The following ZNF888 variants were observed in gnomAD, a reference collection of about 807,000 sequenced individuals.
ZNF888 encodes the protein CTD-2331H12.6.
ZNF888 carries 5 observed loss-of-function variants against 7.2 expected under a neutral mutation model. The observed-to-expected ratio is 0.70, with a 90% CI of 0.36 to 1.46. ZNF888 has a LOEUF of 1.46. Ranked by LOEUF, ZNF888 falls within the 40% of genes most tolerant of loss-of-function variation. The pLI, the probability that ZNF888 is intolerant of heterozygous loss-of-function variation, is 0.03. For synonymous variants in ZNF888, 240 were observed against 284.3 expected (o/e 0.84, Z 1.57); for missense variants, 716 against 858.0 (o/e 0.83, Z 2.07).
At chr19:52,912,274 C>T (rs763219945) in intron 4 of ZNF888, among the ~76,000 whole-genome samples, 61 of 147,378 alleles carry the variant, frequency 4.1e-4, no homozygotes, top group African/African-American at 1.1e-3. Context: ...CCACCGCGCC[C>T]GGCTAATTTT....
In ZNF888 at chr19:52,906,509, G is replaced by A. The variant is rs1051801087; in HGVS notation, c.1813C>T (p.Pro605Ser). 2.2e-5 allele frequency: 35 copies of A among 1,613,578 alleles called. 1 individual carries two copies. In the East Asian group the frequency reaches 7.4e-4, roughly 34 times the overall value. Residue 605 changes from proline (P) to serine (S), a missense_variant, in exon 5 of 5, where the codon CCT becomes TCT. Transcript: ENST00000638862. The stretch of plus-strand genomic sequence containing the variant: ...TTGTCACATTCTTCACATTTGTAAG[G>A]TTTCTCTCCAGTATGAAGTCTATGA... ...CHHRLHTGEK[P>S]YKCEECDKVF...
chr19:52,913,499 A>C (rs2064710124), intron 4 of ZNF888, among the ~76,000 whole-genome samples: 1 of 151,930 alleles, frequency 6.6e-6, no homozygotes, highest in Non-Finnish European at 1.5e-5. Context: ...TAAGTTTTGT[A>C]ATTATACTAC....
chr19:52,919,220 C>T (rs1192960863), intron 1 of ZNF888, among the ~76,000 whole-genome samples: 1 of 39,090 alleles, frequency 2.6e-5, no homozygotes, highest in Non-Finnish European at 5.8e-5. Flanking sequence ...GATGCCGAGC[C>T]AAGGCTGGAC....
chr19:52,907,127 G>T lies in ZNF888; in HGVS notation c.1195C>A (p.Gln399Lys). ...KAFRHDSHLA[Q>K]HIVIHTREKP... The stretch of plus-strand genomic sequence containing the variant: ...TCTCTAGTGTGAATTACAATATGCT[G>T]TGCCAGGTGTGAATCATGTCTGAAA... Residue 399 changes from glutamine (Q) to lysine (K), a missense_variant, in exon 5 of 5, where the codon CAG becomes AAG. Coordinates refer to ENST00000638862, the MANE Select transcript of ZNF888 (RefSeq NM_001393938.1). The T allele has an allele frequency of 6.2e-7, 1 of 1,610,430 alleles. No individual in the cohort carries two copies. The highest frequency in any genetic ancestry group is 8.5e-7 in the Non-Finnish European group (1 of 1,179,232).
In ZNF888 at chr19:52,906,448, C is replaced by T. The variant is rs191518448; in HGVS notation, c.1874G>A (p.Arg625Lys). The T allele has an allele frequency of 4.2e-4, 683 of 1,612,830 alleles. 7 individuals carry two copies. The African/African-American group carries it at 8.3e-3, about 20-fold the overall frequency. ...TGGTTTCTCTCCAGTATGAACTCTCCTATGTATTTCAAGGTGTGATTTGAT... is the reference window on the plus strand; with the variant it reads ...TGGTTTCTCTCCAGTATGAACTCTCTTATGTATTTCAAGGTGTGATTTGAT... ...FNIKSHLEIHRRVHTGEKPYK... is the reference protein window; with the variant it reads ...FNIKSHLEIHKRVHTGEKPYK... The change falls in exon 5 of 5, where the codon AGG becomes AAG. Residue 625 changes from arginine (R) to lysine (K), a missense_variant. Coordinates refer to ENST00000638862, the MANE Select transcript of ZNF888 (RefSeq NM_001393938.1).
In ZNF888 at chr19:52,912,152, C is replaced by T. The variant is rs2064689269; in HGVS notation, c.142+3044G>A. 2.1e-5 allele frequency among the ~76,000 whole-genome samples: 3 copies of T among 144,216 alleles called. No homozygotes were observed. The South Asian group carries it at 6.5e-4, about 31-fold the overall frequency. 94.6% of individuals were successfully genotyped at this position (144,216 alleles called of 152,430 possible). A position where few individuals can be genotyped will look rare whatever the true frequency, so the allele number is the denominator to read the frequency against. Reference sequence around the variant, plus strand: ...TTTTTGAGACGGAATCTTGCTCTGTCACCCAGGCTGGAGTGTCGTGGCAAG... The same window carrying T: ...TTTTTGAGACGGAATCTTGCTCTGTTACCCAGGCTGGAGTGTCGTGGCAAG... On this transcript the variant is annotated intron_variant, in intron 4 of 4. Transcript: ENST00000638862.
In ZNF888 at chr19:52,907,094, A is replaced by C; in HGVS notation, c.1228T>G (p.Tyr410Asp). Residue 410 changes from tyrosine (Y) to aspartate (D), a missense_variant, in exon 5 of 5, where the codon TAC becomes GAC. Tyr to Asp is a radical substitution (Grantham distance 160). Around this residue, in one of 2 missense-constraint regions of ZNF888, gnomAD observed 697 missense variants for 803.4 expected, o/e 0.87. Coordinates refer to ENST00000638862, the MANE Select transcript of ZNF888 (RefSeq NM_001393938.1). Reference protein sequence around the residue: ...HIVIHTREKPYKCNECGKTFG... With the variant: ...HIVIHTREKPDKCNECGKTFG... ...GTTTTGCCACACTCATTACACTTGT[A>C]AGGTTTCTCTCTAGTGTGAATTACA... The C allele has an allele frequency of 6.2e-7, 1 of 1,611,760 alleles. No homozygotes were observed.
In ZNF888 at chr19:52,916,471, T is replaced by C. The variant is rs558042827; in HGVS notation, c.16-1149A>G. ...TTCAAAATATAAAAGATTTTCAAAA[T>C]ATATATGTGTGTGTACATATATATG... On this transcript the variant is annotated intron_variant, in intron 3 of 4. Coordinates refer to ENST00000638862, the MANE Select transcript of ZNF888 (RefSeq NM_001393938.1). Among the ~76,000 whole-genome samples the C allele has an allele frequency of 3.9e-5, 6 of 151,990 alleles. No homozygotes were observed. The South Asian group carries it at 1.2e-3, about 31-fold the overall frequency.
At chr19:52,910,204 G>A (rs2064661912) in intron 4 of ZNF888, among the ~76,000 whole-genome samples, 1 of 150,794 alleles carries the variant, frequency 6.6e-6, no homozygotes, top group African/African-American at 2.4e-5. Flanking sequence ...GGGCGCGGTG[G>A]TGCATGCCTG....
chr19:52,912,682 A>G (rs2064700838), intron 4 of ZNF888, among the ~76,000 whole-genome samples: 1 of 151,788 alleles, frequency 6.6e-6, no homozygotes, highest in Admixed American at 6.6e-5. Flanking sequence ...GTGGGCCGAG[A>G]TCACACCACT....
chr19:52,913,622 C>T, intron 4 of ZNF888: 1 of 744,870 alleles, frequency 1.3e-6, no homozygotes, highest in African/African-American at 1.9e-5. Context: ...CTGTACCCGG[C>T]CAGGTTACAG....
chr19:52,918,085 C>A, intron 2 of ZNF888, 154 bp from the exon 3 acceptor site: 1 of 1,423,954 alleles, frequency 7.0e-7, no homozygotes. Context: ...CAATAAACTC[C>A]TATAGGAAAA....
rs1407439121 is a variant in ZNF888 at position 52,904,504 on chromosome 19, T to C, written c.*1661A>G. 6.6e-6 allele frequency: 1 copy of C among 152,186 alleles called. No homozygotes were observed. Among genetic ancestry groups the C allele is most frequent in the African/African-American group, 2.4e-5 (1 of 41,428 alleles). The allele number at this position is 152,186 out of a possible 1,614,324, so 9.4% of individuals were successfully genotyped here. On this transcript the variant is annotated 3_prime_UTR_variant, in exon 5 of 5. Coordinates refer to ENST00000638862, the MANE Select transcript of ZNF888 (RefSeq NM_001393938.1). ...CCCCTAATGCACAATTTCTGTCCTT[T>C]TTAAGGGCTCACAACACTAAGGATT...
chr19:52,911,359 G>T (rs1441460865), intron 4 of ZNF888, among the ~76,000 whole-genome samples: 2 of 141,722 alleles, frequency 1.4e-5, no homozygotes, highest in African/African-American at 2.6e-5. Flanking sequence ...TTTTTTTTGA[G>T]ACGGAGTCTT....
At chr19:52,916,625 T>TATATATATATATATATATAC (rs1568747397) in intron 3 of ZNF888, among the ~76,000 whole-genome samples, 5 of 123,824 alleles carry the variant, frequency 4.0e-5, no homozygotes, top group African/African-American at 1.5e-4. Flanking sequence ...CATATATATA[T>TATATATATATATATATATAC]ATATATATAT....
chr19:52,907,812 A>G lies in ZNF888; in HGVS notation c.510T>C (p.Ala170=), dbSNP rs112375801. ...TTCTTTGGGATGTTGAAACTGAGGAAGCATTGTTGATAGACTTCTCAAGTT... is the reference window on the plus strand; with the variant it reads ...TTCTTTGGGATGTTGAAACTGAGGAGGCATTGTTGATAGACTTCTCAAGTT... ...GNQLEKSINN[A]SSVSTSQRIS... is the part of the protein sequence containing the mutation. The change falls in exon 5 of 5, where the codon GCT becomes GCC. Residue 170 remains alanine, a synonymous_variant. Coordinates refer to ENST00000638862, the MANE Select transcript of ZNF888 (RefSeq NM_001393938.1). The G allele has an allele frequency of 3.1e-6, 5 of 1,614,192 alleles. No individual in the cohort carries two copies. Among genetic ancestry groups the G allele is most frequent in the African/African-American group, 1.3e-5 (1 of 75,060 alleles).
At chr19:52,909,951 C>T (rs887722061) in intron 4 of ZNF888, among the ~76,000 whole-genome samples, 4 of 151,832 alleles carry the variant, frequency 2.6e-5, no homozygotes, top group Admixed American at 1.3e-4. Flanking sequence ...CACCCAAGGT[C>T]AGGAGTTCTA....
chr19:52,906,349 C>G lies in ZNF888; in HGVS notation c.1973G>C (p.Gly658Ala). 6.2e-7 allele frequency: 1 copy of G among 1,613,736 alleles called. No individual in the cohort carries two copies. Among genetic ancestry groups the G allele is most frequent in the Admixed American group, 1.7e-5 (1 of 59,992 alleles). ...YLAQHQRVHT[G>A]EKPYKCKVCD... ...AACCTTACATTTGTATGGTTTCTCT[C>G]CAGTGTGAACTCTCTGATGTTGTGC... The change falls in exon 5 of 5, where the codon GGA (glycine) becomes GCA (alanine). Residue 658 changes from glycine (G) to alanine (A), a missense_variant. Physicochemically the swap from Gly to Ala is moderately conservative, Grantham distance 60. Coordinates refer to ENST00000638862, the MANE Select transcript of ZNF888 (RefSeq NM_001393938.1).
intron 2 of ZNF888, 68 bp from the exon 3 acceptor site, chr19:52,917,999 T>G: frequency 6.4e-7 from 1 of 1,559,606 alleles, no homozygotes; most frequent in East Asian, 2.3e-5. Flanking sequence ...ACCCCCTCCC[T>G]GTAAAACAAC....
Sources: gnomAD v4.1 joint callset for allele counts (sites outside exome capture counted in the v4.1 genomes callset) on GRCh38, gnomAD v4.1.1 for gene constraint, gnomAD v4.1.1 regional missense constraint, MANE v1.5 for transcripts, NCBI Gene and HGNC (gene_info 2026-07-23, HGNC 2026-07-21) for gene names.